The following PROKR2 variants were observed in gnomAD, a reference collection of about 807,000 sequenced individuals.
PROKR2 encodes the protein prokineticin receptor 2.
Under a neutral mutation model 23.4 loss-of-function variants are expected in PROKR2, and 26 were observed. The observed-to-expected ratio is 1.11, with a 90% CI of 0.81 to 1.54. PROKR2 has a LOEUF of 1.54. PROKR2 is among the 40% of genes most tolerant of loss of function. PROKR2 has a pLI of 0.00. For missense variants in PROKR2, 453 were observed against 511.5 expected (o/e 0.89, Z 1.10); for synonymous variants, 212 against 201.2 (o/e 1.05, Z -0.45).
In PROKR2 at chr20:5,314,332, T is replaced by G. The variant is rs1226045380; in HGVS notation, c.38A>C (p.Asn13Thr). ...AQNGNTSFTP[N>T]FNPPQDHASS... ...GGCATGGTCTTGGGGTGGATTAAAGTTGGGTGTGAAACTGGTGTTTCCATT... is the reference window on the plus strand; with the variant it reads ...GGCATGGTCTTGGGGTGGATTAAAGGTGGGTGTGAAACTGGTGTTTCCATT... Residue 13 changes from asparagine (N) to threonine (T), a missense_variant, in exon 2 of 3, where the codon AAC becomes ACC. Transcript: ENST00000678254. 1 of 1,613,998 alleles carries G rather than the reference T, an allele frequency of 6.2e-7. No homozygotes were observed. The highest frequency in any genetic ancestry group is 1.7e-5 in the Admixed American group (1 of 60,006).
Position 5,300,752 on chromosome 20 carries a change from G to A in PROKR2, c.*1288C>T, listed in dbSNP as rs1978954251. Among the ~76,000 whole-genome samples, 1 of 152,206 alleles carries A rather than the reference G, an allele frequency of 6.6e-6. No individual in the cohort carries two copies. Among genetic ancestry groups the A allele is most frequent in the Non-Finnish European group, 1.5e-5 (1 of 68,034 alleles). ...GAGTTCCTTTTGTAAAAGAGGGAGT[G>A]TTCTAGAAAGTGGTCCAGTCCTTAG... On this transcript the variant is annotated 3_prime_UTR_variant, in exon 3 of 3. Transcript: ENST00000678254.
Position 5,300,003 on chromosome 20 carries a change from C to T in PROKR2, c.*2037G>A, listed in dbSNP as rs1339418134. Among the ~76,000 whole-genome samples, 1 of 152,178 alleles carries T rather than the reference C, an allele frequency of 6.6e-6. No individual in the cohort carries two copies. Among genetic ancestry groups the T allele is most frequent in the African/African-American group, 2.4e-5 (1 of 41,440 alleles). On this transcript the variant is annotated 3_prime_UTR_variant, in exon 3 of 3. Coordinates refer to ENST00000678254, the MANE Select transcript of PROKR2 (RefSeq NM_144773.4). The stretch of plus-strand genomic sequence containing the variant: ...TAGAAAGAAATATTGGTTGAAACTT[C>T]AGTCAGAGAAACAAATCAACAAATA...
chr20:5,301,936 GC>G lies in PROKR2; in HGVS notation c.*103del. On this transcript the variant is annotated 3_prime_UTR_variant, in exon 3 of 3. Transcript: ENST00000678254. ...TCAGCTTCTTGAGGGCACGGGGGAG[GC>G]ATGAACACAGATGTCATTTCCCATG... 9.6e-7 allele frequency: 1 copy of G among 1,038,634 alleles called. No individual in the cohort carries two copies. Among genetic ancestry groups the G allele is most frequent in the Non-Finnish European group, 1.4e-6 (1 of 702,114 alleles). 64.3% of individuals were successfully genotyped at this position (1,038,634 alleles called of 1,614,324 possible). A position where few individuals can be genotyped will look rare whatever the true frequency, so the allele number is the denominator to read the frequency against.
intron 2 of PROKR2, among the ~76,000 whole-genome samples, chr20:5,306,705 C>T (rs796988700): frequency 1.4e-5 from 2 of 147,402 alleles, no homozygotes; most frequent in Non-Finnish European, 3.0e-5. Flanking sequence ...CATTCCACAC[C>T]GTTAATTAAA....
At chr20:5,308,315 A>G (rs6076804) in intron 2 of PROKR2, among the ~76,000 whole-genome samples, 77,603 of 151,926 alleles carry the variant, frequency 0.51, 20,119 homozygotes, top group African/African-American at 0.61. Context: ...TGGGTTTACC[A>G]GAATGAGGGC....
rs966328652 is a variant in PROKR2 at position 5,316,679 on chromosome 20, G to A, written c.-194C>T. Among the ~76,000 whole-genome samples, 1 of 152,252 alleles carries A rather than the reference G, an allele frequency of 6.6e-6. No individual in the cohort carries two copies. The highest frequency in any genetic ancestry group is 1.5e-5 in the Non-Finnish European group (1 of 68,042). On this transcript the variant is annotated 5_prime_UTR_variant, in exon 1 of 3. Coordinates refer to ENST00000678254, the MANE Select transcript of PROKR2 (RefSeq NM_144773.4). The surrounding 1 kb of genome is among the most constrained non-coding windows in gnomAD (Gnocchi z 5.0). ...CCCGGCGGGCTCCTCCGGCGTGTCA[G>A]GGTCTCTGGGTTCCAGCTGGAGTTG...
rs773997113 is a variant in PROKR2, at chr20:5,316,339, C to A, written c.-9+155G>T. On this transcript the variant is annotated intron_variant, in intron 1 of 2. Coordinates refer to ENST00000678254, the MANE Select transcript of PROKR2 (RefSeq NM_144773.4). This position sits in a 1 kb window ranked among gnomAD's most constrained non-coding sequence, Gnocchi z 5.0. ...GAGGGGATCTCCTGAAACCAACTCG[C>A]CTGCTTGGAGCCAGCCCCGACGCAT... 2.2e-6 allele frequency: 1 copy of A among 456,698 alleles called. No homozygotes were observed. Among genetic ancestry groups the A allele is most frequent in the South Asian group, 1.5e-5 (1 of 64,572 alleles). 28.3% of individuals were successfully genotyped at this position (456,698 alleles called of 1,614,324 possible).
chr20:5,307,564 G>A (rs1330191757), intron 2 of PROKR2, among the ~76,000 whole-genome samples: 1 of 152,254 alleles, frequency 6.6e-6, no homozygotes, highest in Admixed American at 6.5e-5. Flanking sequence ...AACGGGCAGA[G>A]GTGCTGCGCA....
In PROKR2 at chr20:5,313,905, T is replaced by A; in HGVS notation, c.458+7A>T. The A allele has an allele frequency of 1.9e-6, 3 of 1,612,100 alleles. No homozygotes were observed. Among genetic ancestry groups the A allele is most frequent in the Non-Finnish European group, 2.5e-6 (3 of 1,178,260 alleles). On this transcript the variant is annotated splice_region_variant and intron_variant, in intron 2 of 2. Transcript: ENST00000678254. ...GCCCCACCACTCACCCCACCCACCATCCTCACCTGTCAATGGCAATGGCCA... is the reference window on the plus strand; with the variant it reads ...GCCCCACCACTCACCCCACCCACCAACCTCACCTGTCAATGGCAATGGCCA...
chr20:5,315,172 G>A (rs529528561), intron 1 of PROKR2, among the ~76,000 whole-genome samples: 1 of 151,538 alleles, frequency 6.6e-6, no homozygotes, highest in Non-Finnish European at 1.5e-5. Flanking sequence ...GGTGGAGGAG[G>A]TGGTGGTGGG....
In PROKR2 at chr20:5,313,962, G is replaced by C; in HGVS notation, c.408C>G (p.Thr136=). The change falls in exon 2 of 3, where the codon ACC becomes ACG. Residue 136 remains threonine (T), a synonymous_variant. Transcript: ENST00000678254. ...VLCASVNYLR[T]VSLYVSTNAL... is the part of the protein sequence containing the mutation. ...CATTGGTGGAGACGTAGAGGGAGAC[G>C]GTGCGCAGGTAGTTGACGGAGGCAC... 1 of 1,614,210 alleles carries C rather than the reference G, an allele frequency of 6.2e-7. No homozygotes were observed. The highest frequency in any genetic ancestry group is 8.5e-7 in the Non-Finnish European group (1 of 1,180,032).
intron 2 of PROKR2, among the ~76,000 whole-genome samples, chr20:5,311,733 T>G (rs948902468): frequency 6.6e-6 from 1 of 152,180 alleles, no homozygotes; most frequent in Admixed American, 6.5e-5. Flanking sequence ...GGCTAGAATA[T>G]AAGCAGGCAG....
chr20:5,313,386 C>T (rs566065525), intron 2 of PROKR2, among the ~76,000 whole-genome samples: 86 of 152,204 alleles, frequency 5.7e-4, no homozygotes, highest in Admixed American at 3.5e-3. Context: ...ACAGCACATA[C>T]GTTATGTTTT....
At chr20:5,305,460 C>A (rs1979183449) in intron 2 of PROKR2, among the ~76,000 whole-genome samples, 1 of 152,220 alleles carries the variant, frequency 6.6e-6, no homozygotes, top group Non-Finnish European at 1.5e-5. Flanking sequence ...GTCGTTGATT[C>A]AGATTACAAT....
At chr20:5,313,217 AG>A (rs1484788036) in intron 2 of PROKR2, among the ~76,000 whole-genome samples, 1 of 152,274 alleles carries the variant, frequency 6.6e-6, no homozygotes, top group East Asian at 1.9e-4. Flanking sequence ...AAAATAAAAT[AG>A]AGCAAGGACT....
chr20:5,312,230 C>T (rs2122219918), intron 2 of PROKR2, among the ~76,000 whole-genome samples: 1 of 152,272 alleles, frequency 6.6e-6, no homozygotes, highest in South Asian at 2.1e-4. Context: ...CCTCAGCCTC[C>T]CAAGTAGCTG....
Position 5,301,936 on chromosome 20 carries a change from G to T in PROKR2, c.*104C>A. ...TCAGCTTCTTGAGGGCACGGGGGAG[G>T]CATGAACACAGATGTCATTTCCCAT... is the stretch of plus-strand genomic sequence containing the variant. On this transcript the variant is annotated 3_prime_UTR_variant, in exon 3 of 3. Transcript: ENST00000678254. The T allele has an allele frequency of 1.9e-6, 2 of 1,038,628 alleles. No individual in the cohort carries two copies. The highest frequency in any genetic ancestry group is 2.8e-6 in the Non-Finnish European group (2 of 702,110). The allele number at this position is 1,038,628 out of a possible 1,614,324, so 64.3% of individuals were successfully genotyped here. A position where few individuals can be genotyped will look rare whatever the true frequency, so the allele number is the denominator to read the frequency against.
In PROKR2 at chr20:5,302,421, G is replaced by A. The variant is rs764645630; in HGVS notation, c.774C>T (p.Phe258=). 6.2e-7 allele frequency: 1 copy of A among 1,614,206 alleles called. No individual in the cohort carries two copies. Among genetic ancestry groups the A allele is most frequent in the Non-Finnish European group, 8.5e-7 (1 of 1,180,044 alleles). Residue 258 remains phenylalanine (F), a synonymous_variant, in exon 3 of 3, where the codon TTC becomes TTT. Coordinates refer to ENST00000678254, the MANE Select transcript of PROKR2 (RefSeq NM_144773.4). ...RELWFKAVPG[F]QTEQIRKRLR... is the part of the protein sequence containing the mutation. ...GCCGCTTGCGAATCTGCTCCGTCTGGAACCCAGGGACTGCCTTGAACCAGA... is the reference window on the plus strand; with the variant it reads ...GCCGCTTGCGAATCTGCTCCGTCTGAAACCCAGGGACTGCCTTGAACCAGA...
In PROKR2 at chr20:5,314,394, G is replaced by GT; in HGVS notation, c.-8-18dup. On this transcript the variant is annotated splice_polypyrimidine_tract_variant and intron_variant, in intron 1 of 2. Transcript: ENST00000678254. ...TGGTGATGTCTGCAAGAAAAGTGGT[G>GT]TGAGGGAGGTGCGAGGGGTGAGGGT... 5.0e-6 allele frequency: 8 copies of GT among 1,603,602 alleles called. No homozygotes were observed. The highest frequency in any genetic ancestry group is 6.8e-6 in the Non-Finnish European group (8 of 1,171,260).
Sources: gnomAD v4.1 joint callset for allele counts (sites outside exome capture counted in the v4.1 genomes callset) on GRCh38, gnomAD v4.1.1 for gene constraint, Gnocchi (gnomAD v3.1) non-coding constraint, MANE v1.5 for transcripts, NCBI Gene and HGNC (gene_info 2026-07-23, HGNC 2026-07-21) for gene names.